Variants in MAPK10 observed in about 807,000 individuals in gnomAD.
The protein encoded by MAPK10 is mitogen-activated protein kinase 10.
In MAPK10, 25 loss-of-function variants were observed where a neutral mutation model predicts 59.3. That is an observed-to-expected ratio of 0.42 (90% CI 0.31 to 0.59). The LOEUF (loss-of-function observed/expected upper bound fraction) is 0.59. Among genes scored for constraint, MAPK10 ranks in the 20% least tolerant of loss-of-function variants. MAPK10 has a pLI of 0.15. For synonymous variants in MAPK10, 190 were observed against 200.5 expected (o/e 0.95, Z 0.44); for missense variants, 351 against 568.9 (o/e 0.62, Z 3.90).
At chr4:86,368,203 T>C (rs545462577) in intron 1 of MAPK10, among the ~76,000 whole-genome samples, 2 of 152,268 alleles carry the variant, frequency 1.3e-5, no homozygotes, top group African/African-American at 2.4e-5. Flanking sequence ...TTTTAACTAA[T>C]AGACTTTATT....
rs1259877928 is a variant in MAPK10 at position 86,497,934 on chromosome 4, A to G, written c.-263+95976T>C. The stretch of plus-strand genomic sequence containing the variant: ...ATCTATGGATGGATTTTCCATGAGC[A>G]CAACTGGCTTCTTGGACCATCCCTT... On this transcript the variant is annotated intron_variant, in intron 1 of 4. Coordinates refer to the MAPK10 transcript ENST00000502302. Among the ~76,000 whole-genome samples, 5 of 152,328 alleles carry G rather than the reference A, an allele frequency of 3.3e-5. No homozygotes were observed. In the East Asian group the frequency reaches 7.7e-4, roughly 23 times the overall value.
chr4:86,520,943 A>G (rs1417733967), intron 1 of MAPK10, among the ~76,000 whole-genome samples: 2 of 152,228 alleles, frequency 1.3e-5, no homozygotes, highest in African/African-American at 4.8e-5. Flanking sequence ...AAATGTCTGC[A>G]AAGAGTCATG....
chr4:86,258,664 C>T (rs1274202556), intron 2 of MAPK10, among the ~76,000 whole-genome samples: 3 of 152,062 alleles, frequency 2.0e-5, no homozygotes, highest in Non-Finnish European at 4.4e-5. Context: ...GTGTTGACTC[C>T]GAACTTCAAA....
chr4:86,266,150 A>G (rs375473465), intron 2 of MAPK10, among the ~76,000 whole-genome samples: 3 of 152,182 alleles, frequency 2.0e-5, no homozygotes, highest in African/African-American at 4.8e-5. Context: ...GGTGTAAGAA[A>G]CAACAGAGGA....
At chr4:86,064,191 T>C in intron 11 of MAPK10, 75 bp downstream of exon 11, 2 of 1,572,912 alleles carry the variant, frequency 1.3e-6, no homozygotes, top group Non-Finnish European at 1.7e-6. Context: ...TTCTTTAGGC[T>C]TCTAGTCCTA....
At chr4:86,281,717 T>C (rs1454539705) in intron 2 of MAPK10, among the ~76,000 whole-genome samples, 1 of 152,006 alleles carries the variant, frequency 6.6e-6, no homozygotes, top group African/African-American at 2.4e-5. Flanking sequence ...ACATAGTCTT[T>C]CAAGGAATGT....
intron 11 of MAPK10, among the ~76,000 whole-genome samples, chr4:86,051,280 G>C (rs1385469564): frequency 6.6e-6 from 1 of 151,998 alleles, no homozygotes; most frequent in Non-Finnish European, 1.5e-5. Context: ...CTTGTAAAAA[G>C]GGAGTGTAAC....
chr4:86,358,325 G>C, intron 1 of MAPK10: 1 of 985,410 alleles, frequency 1.0e-6, no homozygotes, highest in Non-Finnish European at 1.2e-6. Flanking sequence ...AGCCGATGAG[G>C]GATAGAAGGA....
intron 1 of MAPK10, among the ~76,000 whole-genome samples, chr4:86,384,893 GA>G (rs1181864816): frequency 6.6e-6 from 1 of 151,672 alleles, no homozygotes; most frequent in African/African-American, 2.4e-5. Flanking sequence ...AGAGAAAAAG[GA>G]AAAAACAGAT....
At chr4:86,272,742 C>T (rs929692317) in intron 2 of MAPK10, among the ~76,000 whole-genome samples, 8 of 152,036 alleles carry the variant, frequency 5.3e-5, no homozygotes, top group African/African-American at 1.4e-4. Flanking sequence ...AATCACATGA[C>T]ATTTGCCTGT....
At chr4:86,570,848 G>T (rs1422670364) in intron 1 of MAPK10, among the ~76,000 whole-genome samples, 1 of 152,118 alleles carries the variant, frequency 6.6e-6, no homozygotes, top group Non-Finnish European at 1.5e-5. Flanking sequence ...TCACCAAGAG[G>T]TTGGAGGAGG....
At chr4:86,180,683 A>G (rs527558283) in intron 3 of MAPK10, among the ~76,000 whole-genome samples, 1 of 152,114 alleles carries the variant, frequency 6.6e-6, no homozygotes, top group African/African-American at 2.4e-5. Flanking sequence ...GAGAAATGAA[A>G]TCCTGTCATT....
At chr4:86,199,415 TTA>T (rs897285752) in intron 2 of MAPK10, among the ~76,000 whole-genome samples, 1 of 138,442 alleles carries the variant, frequency 7.2e-6, no homozygotes, top group Admixed American at 7.0e-5. Context: ...CTTTTTTTTG[TTA>T]TGTTATACTT....
chr4:86,029,791 C>A (rs2038524910), intron 12 of MAPK10, among the ~76,000 whole-genome samples: 1 of 151,838 alleles, frequency 6.6e-6, no homozygotes, highest in Non-Finnish European at 1.5e-5. Flanking sequence ...CCAATCCTTA[C>A]AACTTCCATC....
chr4:86,537,764 AC>A (rs2149093809), intron 1 of MAPK10, among the ~76,000 whole-genome samples: 1 of 152,252 alleles, frequency 6.6e-6, no homozygotes, highest in East Asian at 1.9e-4. Context: ...GTCATCTCCT[AC>A]TTTGTGGCTT....
intron 1 of MAPK10, among the ~76,000 whole-genome samples, chr4:86,592,454 C>T (rs1256438128): frequency 1.3e-5 from 2 of 152,180 alleles, no homozygotes; most frequent in East Asian, 1.9e-4. Context: ...ACTTGCTATA[C>T]CTTCTTTCTG....
At chr4:86,477,177 C>T (rs1753165867) in intron 1 of MAPK10, among the ~76,000 whole-genome samples, 1 of 152,156 alleles carries the variant, frequency 6.6e-6, no homozygotes, top group South Asian at 2.1e-4. Context: ...GCTACTCACT[C>T]CACATTACCT....
At chr4:86,581,902 TATATATATATATATA>T (rs1565075315) in intron 1 of MAPK10, among the ~76,000 whole-genome samples, 32 of 1,840 alleles carry the variant, frequency 0.017, no homozygotes, top group Admixed American at 0.047. Context: ...ATATATATTA[TATATATATATATATA>T]TATATATATA....
At chr4:86,392,415 C>G (rs1418188219) in intron 1 of MAPK10, 4 of 149,366 alleles carry the variant, frequency 2.7e-5, no homozygotes, top group Admixed American at 1.3e-4. Flanking sequence ...GCACTCTAGC[C>G]TGGGCGACAG....
Sources: allele counts gnomAD v4.1 joint callset (sites outside exome capture counted in the v4.1 genomes callset), GRCh38; gene constraint gnomAD v4.1.1; transcripts MANE v1.5; gene names NCBI Gene and HGNC (gene_info 2026-07-23, HGNC 2026-07-21).